The following TAOK3 variants were observed in gnomAD, a reference collection of about 807,000 sequenced individuals.
TAOK3 encodes the protein serine/threonine-protein kinase TAO3.
A neutral mutation model predicts 120.4 loss-of-function variants in TAOK3; 40 were observed. The ratio of observed to expected loss-of-function variants is 0.33; its 90% CI spans 0.26 to 0.43. TAOK3 has a LOEUF of 0.43. TAOK3 is among the 20% of genes least tolerant of loss of function. The pLI is 1.00. For missense variants in TAOK3, 821 were observed against 1,112.1 expected (o/e 0.74, Z 3.72); for synonymous variants, 355 against 387.5 (o/e 0.92, Z 0.99).
Position 118,308,931 on chromosome 12 carries a change from C to CAA in TAOK3, c.-193-42174_-193-42173dup, listed in dbSNP as rs60574584. Among the ~76,000 whole-genome samples the CAA allele has an allele frequency of 3.0e-3, 90 of 30,070 alleles. 10 individuals are homozygous for CAA. Among genetic ancestry groups the CAA allele is most frequent in the East Asian group, 4.0e-3 (3 of 742 alleles). The allele number at this position is 30,070 out of a possible 152,430, so 19.7% of individuals were successfully genotyped here. The stretch of plus-strand genomic sequence containing the variant: ...GGGAACAGCAGCGAAACTCTGTCTC[C>CAA]AAAAAAAAAAAAAAAAAAAAAAAAA... On this transcript the variant is annotated intron_variant, in intron 1 of 20. Coordinates refer to ENST00000392533, the MANE Select transcript of TAOK3 (RefSeq NM_016281.4).
chr12:118,199,247 T>C lies in TAOK3; in HGVS notation c.998A>G (p.His333Arg). Residue 333 changes from histidine to arginine, a missense_variant, in exon 13 of 21, where the codon CAT becomes CGT. Coordinates refer to ENST00000392533, the MANE Select transcript of TAOK3 (RefSeq NM_016281.4). ...ESQEDEEDSE[H>R]GTSLNREMDS... ...CATTTCCCTGTTCAGGCTGGTTCCATGTTCACTGTCCTGTAAAAATGGGGC... is the reference window on the plus strand; with the variant it reads ...CATTTCCCTGTTCAGGCTGGTTCCACGTTCACTGTCCTGTAAAAATGGGGC... The C allele has an allele frequency of 1.2e-6, 2 of 1,613,880 alleles. No individual in the cohort carries two copies. The highest frequency in any genetic ancestry group is 1.7e-6 in the Non-Finnish European group (2 of 1,179,830).
At chr12:118,194,634 T>TA (rs1555218519) in intron 13 of TAOK3, among the ~76,000 whole-genome samples, 5 of 141,542 alleles carry the variant, frequency 3.5e-5, no homozygotes, top group Middle Eastern at 3.8e-3. Context: ...TTTTTTTTTT[T>TA]ATCCCGCAAA....
intron 1 of TAOK3, chr12:118,359,424 T>C (rs2141289379): frequency 6.6e-6 from 1 of 152,240 alleles, no homozygotes; most frequent in South Asian, 2.1e-4. Flanking sequence ...ATTTTACACT[T>C]AGGCACCCTC....
chr12:118,187,108 T>A (rs960568827), intron 14 of TAOK3, among the ~76,000 whole-genome samples: 1 of 152,250 alleles, frequency 6.6e-6, no homozygotes, highest in Non-Finnish European at 1.5e-5. Context: ...ATTTCATCAT[T>A]TATTTATCTA....
At chr12:118,352,461 C>A (rs573547115) in intron 1 of TAOK3, among the ~76,000 whole-genome samples, 33 of 150,934 alleles carry the variant, frequency 2.2e-4, no homozygotes, top group African/African-American at 8.0e-4. Context: ...GCCAAGATTG[C>A]GCCACTGCAC....
At chr12:118,190,410 C>A (rs1016314266) in intron 13 of TAOK3, 1 of 157,596 alleles carries the variant, frequency 6.3e-6, no homozygotes, top group African/African-American at 2.4e-5. Context: ...GAGATCTGTT[C>A]GGTAGGATCA....
chr12:118,157,495 C>T (rs2034918314), intron 19 of TAOK3, among the ~76,000 whole-genome samples: 1 of 152,174 alleles, frequency 6.6e-6, no homozygotes, highest in Non-Finnish European at 1.5e-5. Context: ...TGAATTCTTC[C>T]AAAGTGCCAC....
chr12:118,209,602 T>TTGGCCAGGCTGGTCTTGG (rs1404594478), intron 11 of TAOK3, among the ~76,000 whole-genome samples: 4 of 152,314 alleles, frequency 2.6e-5, no homozygotes, highest in Non-Finnish European at 4.4e-5. Flanking sequence ...TTTCTACGTG[T>TTGGCCAGGCTGGTCTTGG]TGGCCAGGCT....
intron 1 of TAOK3, among the ~76,000 whole-genome samples, chr12:118,363,755 TGAGAGAGAGA>T (rs112300856): frequency 7.1e-6 from 1 of 141,778 alleles, no homozygotes; most frequent in East Asian, 2.0e-4. Flanking sequence ...TGTGTGTGTG[TGAGAGAGAGA>T]GAGAGAGAGA....
rs34157387 is a variant in TAOK3 at position 118,179,947 on chromosome 12, G to GTT, written c.1566+1422_1566+1423dup. ...AGGCATGAGCCACCATGCCTGGCTG[G>GTT]TTTTTTTTTTTTTTTTGGAGATGAA... On this transcript the variant is annotated intron_variant, in intron 15 of 20. Coordinates refer to ENST00000392533, the MANE Select transcript of TAOK3 (RefSeq NM_016281.4). Among the ~76,000 whole-genome samples, 693 of 118,094 alleles carry GTT rather than the reference G, an allele frequency of 5.9e-3. 4 individuals are homozygous for GTT. Among genetic ancestry groups the GTT allele is most frequent in the African/African-American group, 0.018 (548 of 30,332 alleles). 77.5% of individuals were successfully genotyped at this position (118,094 alleles called of 152,430 possible).
chr12:118,359,243 C>A (rs2141288238), intron 1 of TAOK3: 1 of 152,262 alleles, frequency 6.6e-6, no homozygotes, highest in East Asian at 1.9e-4. Context: ...AAAGAACTCT[C>A]TAAAAATTTT....
chr12:118,177,377 G>A, intron 15 of TAOK3, 48 bp from the exon 16 acceptor site: 5 of 1,578,552 alleles, frequency 3.2e-6, no homozygotes, highest in Non-Finnish European at 4.3e-6. Context: ...TCTTTACACA[G>A]AATTCAGTGA....
intron 13 of TAOK3, among the ~76,000 whole-genome samples, chr12:118,197,942 C>T (rs565848395): frequency 2.6e-5 from 4 of 152,226 alleles, no homozygotes; most frequent in Non-Finnish European, 4.4e-5. Flanking sequence ...CCACCTCGGC[C>T]ATTGCGCCTG....
At chr12:118,347,572 C>T (rs1034833653) in intron 1 of TAOK3, among the ~76,000 whole-genome samples, 1 of 152,180 alleles carries the variant, frequency 6.6e-6, no homozygotes, top group African/African-American at 2.4e-5. Context: ...AACCTCTATG[C>T]CGCATCTCCT....
rs571628655 is a variant in TAOK3, at chr12:118,239,051, A to G, written c.340+176T>C. 5.9e-5 allele frequency among the ~76,000 whole-genome samples: 9 copies of G among 152,344 alleles called. No homozygotes were observed. The East Asian group carries it at 1.7e-3, about 29-fold the overall frequency. ...CTAAAACAGCAGGAAGACTGCTAAC[A>G]TCACTCAGACACTTTCAGTGGCATT... On this transcript the variant is annotated intron_variant, in intron 6 of 20. Transcript: ENST00000392533.
intron 1 of TAOK3, among the ~76,000 whole-genome samples, chr12:118,356,702 C>T (rs1187935291): frequency 6.6e-6 from 1 of 151,890 alleles, no homozygotes; most frequent in Non-Finnish European, 1.5e-5. Context: ...CTCTTGAGGC[C>T]AGGATTTTGA....
intron 9 of TAOK3, among the ~76,000 whole-genome samples, chr12:118,231,261 G>T (rs901283957): frequency 6.6e-6 from 1 of 152,042 alleles, no homozygotes; most frequent in Non-Finnish European, 1.5e-5. Context: ...TAGGGCAGGG[G>T]TGGAAGAAGA....
intron 13 of TAOK3, among the ~76,000 whole-genome samples, chr12:118,195,972 C>T (rs759726032): frequency 2.6e-5 from 4 of 151,996 alleles, no homozygotes; most frequent in Non-Finnish European, 5.9e-5. Flanking sequence ...ATGGCGTGAA[C>T]GCAGGAGGCG....
intron 3 of TAOK3, among the ~76,000 whole-genome samples, chr12:118,250,478 G>T (rs1456632492): frequency 6.6e-6 from 1 of 152,128 alleles, no homozygotes; most frequent in Non-Finnish European, 1.5e-5. Context: ...TAGTGTTTAG[G>T]TATAAAAATA....
Sources: gnomAD v4.1 joint callset for allele counts (sites outside exome capture counted in the v4.1 genomes callset) on GRCh38, gnomAD v4.1.1 for gene constraint, MANE v1.5 for transcripts, NCBI Gene and HGNC (gene_info 2026-07-23, HGNC 2026-07-21) for gene names.